Variants in KCNMA1 observed in about 807,000 individuals in gnomAD.
The protein encoded by KCNMA1 is Calcium-activated potassium channel subunit alpha-1.
Under a neutral mutation model 140.0 loss-of-function variants are expected in KCNMA1, and 29 were observed. That is an observed-to-expected ratio of 0.21 (90% confidence interval 0.15 to 0.28). KCNMA1 has a LOEUF of 0.28. Ranked by LOEUF, KCNMA1 falls within the 10% of genes least tolerant of loss-of-function variation. KCNMA1 has a pLI of 1.00. For synonymous variants in KCNMA1, 612 were observed against 611.9 expected, an observed-to-expected ratio of 1.00 and a Z score of 0.00; for missense variants, 880 against 1,602.2, an observed-to-expected ratio of 0.55 and a Z score of 7.70.
chr10:77,021,549 A>C (rs2092851721), intron 16 of KCNMA1, among the ~76,000 whole-genome samples: 1 of 152,228 alleles, frequency 6.6e-6, no homozygotes, highest in South Asian at 2.1e-4. Context: ...CTGCAAGGAA[A>C]TCCAAAGCAT....
At chr10:77,079,382 G>GTGTA (rs2096498222) in intron 13 of KCNMA1, 99 bp downstream of exon 13, 7 of 747,586 alleles carry the variant, frequency 9.4e-6, no homozygotes, top group Admixed American at 3.7e-5. Flanking sequence ...GTGTGTGTGT[G>GTGTA]TGTGTGTGTG....
chr10:77,087,135 G>T (rs2096710189), intron 10 of KCNMA1, among the ~76,000 whole-genome samples: 1 of 152,144 alleles, frequency 6.6e-6, no homozygotes, highest in Non-Finnish European at 1.5e-5. Context: ...TTTCCTGCCG[G>T]CTTGAACTGG....
chr10:77,577,344 G>A (rs758672088), intron 1 of KCNMA1, among the ~76,000 whole-genome samples: 9 of 151,968 alleles, frequency 5.9e-5, no homozygotes, highest in Non-Finnish European at 1.0e-4. Flanking sequence ...CACCACGCCC[G>A]GCTCACACTC....
intron 5 of KCNMA1, among the ~76,000 whole-genome samples, chr10:77,139,880 C>T (rs544531545): frequency 1.5e-4 from 23 of 152,150 alleles, no homozygotes; most frequent in African/African-American, 4.3e-4. Context: ...AAATGAGCCA[C>T]AACTCGCACT....
chr10:76,969,870 T>A, intron 20 of KCNMA1, 104 bp downstream of exon 20: 1 of 864,300 alleles, frequency 1.2e-6, no homozygotes, highest in Non-Finnish European at 2.0e-6. Context: ...CACCCCGGGC[T>A]TGCTGGGGAG....
intron 20 of KCNMA1, among the ~76,000 whole-genome samples, chr10:76,957,377 C>T (rs1196754103): frequency 6.6e-6 from 1 of 152,024 alleles, no homozygotes; most frequent in Non-Finnish European, 1.5e-5. Context: ...TGTGCAATGA[C>T]AGTCAAGTTG....
intron 2 of KCNMA1, among the ~76,000 whole-genome samples, chr10:77,295,866 G>T (rs1042502136): frequency 2.0e-5 from 3 of 148,270 alleles, no homozygotes; most frequent in Admixed American, 2.0e-4. Context: ...AACTGGGGAT[G>T]AAGAGATATT....
At chr10:77,239,815 C>T (rs555007407) in intron 3 of KCNMA1, among the ~76,000 whole-genome samples, 7 of 152,230 alleles carry the variant, frequency 4.6e-5, no homozygotes, top group African/African-American at 1.2e-4. Flanking sequence ...TTGGAAGGGA[C>T]GACACCGTAA....
At chr10:76,980,083 T>A (rs541045583) in intron 19 of KCNMA1, 2 of 152,178 alleles carry the variant, frequency 1.3e-5, no homozygotes, top group Non-Finnish European at 2.9e-5. Flanking sequence ...AATGCTAGTG[T>A]ATGGTGGGCC....
At chr10:77,541,591 A>G (rs1477215484) in intron 1 of KCNMA1, among the ~76,000 whole-genome samples, 1 of 152,200 alleles carries the variant, frequency 6.6e-6, no homozygotes, top group Admixed American at 6.5e-5. Context: ...TCTAAGTAAC[A>G]TTACCTTAGA....
At position 77,637,771 on chromosome 10, in the gene KCNMA1, A is replaced by AG; in HGVS notation, c.-130dup. ...CGCCGCCGCCGCCGCGGAGCGCGGG[A>AG]GGGGGGCGGGGAGGCGCCTGGGCTC... On this transcript the variant is annotated 5_prime_UTR_variant, in exon 1 of 28. Transcript: ENST00000286628. 1 of 1,297,638 alleles carries AG rather than the reference A, an allele frequency of 7.7e-7. No homozygotes were observed. The highest frequency in any genetic ancestry group is 9.7e-7 in the Non-Finnish European group (1 of 1,034,620). 80.4% of individuals were successfully genotyped at this position (1,297,638 alleles called of 1,614,324 possible).
intron 5 of KCNMA1, among the ~76,000 whole-genome samples, chr10:77,134,655 G>C (rs944005026): frequency 6.6e-6 from 1 of 152,038 alleles, no homozygotes; most frequent in Non-Finnish European, 1.5e-5. Flanking sequence ...AATGGACAAA[G>C]AGGATTACAT....
chr10:77,614,311 T>C (rs1449339341), intron 1 of KCNMA1, among the ~76,000 whole-genome samples: 10 of 151,978 alleles, frequency 6.6e-5, no homozygotes, highest in Non-Finnish European at 1.5e-4. Flanking sequence ...ACGTGTTTGG[T>C]GCTGGGAATA....
At chr10:77,403,302 C>T (rs992922417) in intron 2 of KCNMA1, among the ~76,000 whole-genome samples, 3 of 152,158 alleles carry the variant, frequency 2.0e-5, no homozygotes, top group Admixed American at 6.5e-5. Context: ...TCTAGGTACA[C>T]GGGCCAGGCA....
At chr10:76,933,772 C>G (rs139234709) in intron 23 of KCNMA1, among the ~76,000 whole-genome samples, 89 of 152,212 alleles carry the variant, frequency 5.8e-4, no homozygotes, top group Admixed American at 9.8e-4. Context: ...ACAAGATGCT[C>G]AAGGACTATC....
intron 2 of KCNMA1, among the ~76,000 whole-genome samples, chr10:77,344,004 C>T (rs1351783711): frequency 6.6e-6 from 1 of 152,228 alleles, no homozygotes. Flanking sequence ...TGCACTGCAA[C>T]CCTGGAAGCC....
intron 24 of KCNMA1, chr10:76,913,070 G>C (rs142966750): frequency 6.6e-6 from 1 of 152,316 alleles, no homozygotes; most frequent in East Asian, 1.9e-4. Flanking sequence ...CATCTCGCAA[G>C]CAAGATTACT....
At chr10:76,899,681 T>C (rs977134048) in intron 25 of KCNMA1, among the ~76,000 whole-genome samples, 2 of 151,198 alleles carry the variant, frequency 1.3e-5, no homozygotes, top group Non-Finnish European at 2.9e-5. Context: ...CATTCCTTAG[T>C]ATAACAAGGA....
chr10:77,009,587 T>G (rs1413641304), intron 18 of KCNMA1, among the ~76,000 whole-genome samples: 1 of 152,114 alleles, frequency 6.6e-6, no homozygotes, highest in Non-Finnish European at 1.5e-5. Context: ...TTTCCTCACT[T>G]AAAATCTTCC....
Sources: allele counts gnomAD v4.1 joint callset (sites outside exome capture counted in the v4.1 genomes callset), GRCh38; gene constraint gnomAD v4.1.1; transcripts MANE v1.5; gene names NCBI Gene and HGNC (gene_info 2026-07-23, HGNC 2026-07-21).